The following SRSF6 variants were observed in gnomAD, a reference collection of about 807,000 sequenced individuals.
SRSF6 encodes the protein serine/arginine-rich splicing factor 6.
A neutral mutation model predicts 42.0 loss-of-function variants in SRSF6; 17 were observed. That is an observed-to-expected ratio of 0.40 (90% CI 0.28 to 0.61). The LOEUF (loss-of-function observed/expected upper bound fraction) is 0.61. SRSF6 is among the 20% of genes least tolerant of loss of function. The probability of loss-of-function intolerance (pLI) is 0.37; values close to 1 mark genes in which losing one functional copy is unlikely to be tolerated. For synonymous variants in SRSF6, 204 were observed against 166.7 expected (o/e 1.22, Z -1.72); for missense variants, 379 against 471.4 (o/e 0.80, Z 1.81).
Position 43,458,420 on chromosome 20 carries a change from A to G in SRSF6, c.167A>G (p.Asn56Ser). The change falls in exon 2 of 6, where the codon AAC becomes AGC. Residue 56 changes from asparagine to serine, a missense_variant. This residue lies in a region of SRSF6 where 117 missense variants were observed against 146.8 expected (regional missense o/e 0.80). Coordinates refer to ENST00000244020, the MANE Select transcript of SRSF6 (RefSeq NM_006275.6). The stretch of plus-strand genomic sequence containing the variant: ...GCCGACGACGCCGTTTACGAGCTGA[A>G]CGGCAAGGAGCTCTGCGGCGAGCGC... ...RDADDAVYEL[N>S]GKELCGERVI... The G allele has an allele frequency of 6.5e-7, 1 of 1,550,102 alleles. No individual in the cohort carries two copies. The highest frequency in any genetic ancestry group is 8.7e-7 in the Non-Finnish European group (1 of 1,152,100).
Position 43,460,833 on chromosome 20 carries a change from T to G in SRSF6, c.805T>G (p.Tyr269Asp). The G allele has an allele frequency of 6.2e-7, 1 of 1,613,978 alleles. No individual in the cohort carries two copies. Among genetic ancestry groups the G allele is most frequent in the Non-Finnish European group, 8.5e-7 (1 of 1,180,018 alleles). ...TTCTCGAAGCAGATCTAAGGATGAG[T>G]ATGAGAAATCTCGAAGCAGGTCTCG... Reference protein sequence around the residue: ...SHSRSRSKDEYEKSRSRSRSR... With the variant: ...SHSRSRSKDEDEKSRSRSRSR... Residue 269 changes from tyrosine (Y) to aspartate (D), a missense_variant, in exon 6 of 6, where the codon TAT (tyrosine) becomes GAT (aspartate). By Grantham distance (160) the Tyr-to-Asp change is radical. Transcript: ENST00000244020.
At position 43,458,117 on chromosome 20, in the gene SRSF6, C is replaced by T. The variant is rs1346218575; in HGVS notation, c.84C>T (p.Leu28=). Residue 28 remains leucine, a synonymous_variant, in exon 1 of 6, where the codon CTC becomes CTT. Coordinates refer to ENST00000244020, the MANE Select transcript of SRSF6 (RefSeq NM_006275.6). ...IQRFFSGYGR[L]LEVDLKNGYG... The stretch of plus-strand genomic sequence containing the variant: ...GCTTTTTCAGTGGCTATGGCCGCCT[C>T]CTCGAAGTAGACCTCAAAAATGGGT... 9 of 1,613,438 alleles carry T rather than the reference C, an allele frequency of 5.6e-6. No homozygotes were observed. Among genetic ancestry groups the T allele is most frequent in the South Asian group, 1.1e-5 (1 of 91,042 alleles).
Position 43,459,833 on chromosome 20 carries a change from C to G in SRSF6, c.319C>G (p.Arg107Gly). Residue 107 changes from arginine (R) to glycine (G), a missense_variant, in exon 3 of 6, where the codon CGT becomes GGT. Coordinates refer to ENST00000244020, the MANE Select transcript of SRSF6 (RefSeq NM_006275.6). Reference sequence around the variant, plus strand: ...CAGAGACAAATACGGACCACCTGTTCGTACAGAATACAGGCTTATTGTAGA... The same window carrying G: ...CAGAGACAAATACGGACCACCTGTTGGTACAGAATACAGGCTTATTGTAGA... ...SGRDKYGPPV[R>G]TEYRLIVENL... 1 of 1,613,742 alleles carries G rather than the reference C, an allele frequency of 6.2e-7. No individual in the cohort carries two copies. The highest frequency in any genetic ancestry group is 8.5e-7 in the Non-Finnish European group (1 of 1,179,948).
At chr20:43,458,294 G>C (rs2017531677) in intron 1 of SRSF6, 67 bp from the exon 2 acceptor site, 2 of 1,423,772 alleles carry the variant, frequency 1.4e-6, no homozygotes, top group Non-Finnish European at 9.2e-7. Context: ...TGGGGTACGG[G>C]CGCGCGCACG....
Position 43,461,131 on chromosome 20 carries a change from T to A in SRSF6, c.*68T>A, listed in dbSNP as rs556535696. On this transcript the variant is annotated 3_prime_UTR_variant, in exon 6 of 6. Transcript: ENST00000244020. ...ACTTAGGCAGTTACTCTTCCATGTTTATACTTGGCCTCTTCTGCAAGAGGA... is the reference window on the plus strand; with the variant it reads ...ACTTAGGCAGTTACTCTTCCATGTTAATACTTGGCCTCTTCTGCAAGAGGA... 31 of 1,490,620 alleles carry A rather than the reference T, an allele frequency of 2.1e-5. No individual in the cohort carries two copies. The South Asian group carries it at 4.4e-4, about 21-fold the overall frequency. 92.3% of individuals were successfully genotyped at this position (1,490,620 alleles called of 1,614,324 possible).
chr20:43,462,104 G>C lies in SRSF6; in HGVS notation c.*1041G>C, dbSNP rs2145327231. On this transcript the variant is annotated 3_prime_UTR_variant, in exon 6 of 6. Transcript: ENST00000244020. ...TCAGTTGCCAGTTAAGTTCCACCCA[G>C]TAGTCAGTCCCCTTTGTAGTTAGTG... 1 of 152,326 alleles carries C rather than the reference G, an allele frequency of 6.6e-6. No individual in the cohort carries two copies. Among genetic ancestry groups the C allele is most frequent in the South Asian group, 2.1e-4 (1 of 4,830 alleles). 9.4% of individuals were successfully genotyped at this position (152,326 alleles called of 1,614,324 possible). A position where few individuals can be genotyped will look rare whatever the true frequency, so the allele number is the denominator to read the frequency against.
rs959395190 is a variant in SRSF6, at chr20:43,461,303, G to A, written c.*240G>A. ...TTGATTTTATAGCTTTTGAGCTAAC[G>A]TAACTTTTGTAAAGATTAAGCTCAT... is the stretch of plus-strand genomic sequence containing the variant. On this transcript the variant is annotated 3_prime_UTR_variant, in exon 6 of 6. Coordinates refer to ENST00000244020, the MANE Select transcript of SRSF6 (RefSeq NM_006275.6). 7 of 176,450 alleles carry A rather than the reference G, an allele frequency of 4.0e-5. No individual in the cohort carries two copies. The highest frequency in any genetic ancestry group is 6.0e-5 in the Non-Finnish European group (6 of 100,768). The allele number at this position is 176,450 out of a possible 1,614,324, so 10.9% of individuals were successfully genotyped here.
intron 2 of SRSF6, among the ~76,000 whole-genome samples, chr20:43,458,913 A>G (rs1351977333): frequency 1.5e-4 from 23 of 152,204 alleles, no homozygotes; most frequent in African/African-American, 5.5e-4. Flanking sequence ...GGAGGAGCAT[A>G]AAGTATAGGT....
intron 2 of SRSF6, 77 bp from the exon 3 acceptor site, chr20:43,459,694 T>C (rs1256205466): frequency 2.5e-5 from 40 of 1,596,958 alleles, no homozygotes; most frequent in African/African-American, 4.0e-5. Context: ...AAAGTTGATA[T>C]GTTTGTACTA....
In SRSF6 at chr20:43,460,737, C is replaced by T; in HGVS notation, c.709C>T (p.Arg237Ter). 2 of 1,613,852 alleles carry T rather than the reference C, an allele frequency of 1.2e-6. No homozygotes were observed. The highest frequency in any genetic ancestry group is 8.5e-7 in the Non-Finnish European group (1 of 1,179,866). ...GCGGAGCAAAGGTCGATCACGTTCT[C>T]GATCAAAAGGCAGGAAATCTAGATC... ...RSRSKGRSRS[R>*]SKGRKSRSKS... Residue 237 changes from arginine to a stop codon, truncating the protein, a stop_gained, in exon 6 of 6, where the codon CGA (arginine) becomes TGA (stop). Coordinates refer to ENST00000244020, the MANE Select transcript of SRSF6 (RefSeq NM_006275.6). LOFTEE classifies it high-confidence loss of function.
At position 43,461,785 on chromosome 20, in the gene SRSF6, C is replaced by G. The variant is rs1160350468; in HGVS notation, c.*722C>G. 6.6e-6 allele frequency: 1 copy of G among 152,550 alleles called. No homozygotes were observed. The highest frequency in any genetic ancestry group is 1.5e-5 in the Non-Finnish European group (1 of 68,028). The allele number at this position is 152,550 out of a possible 1,614,324, so 9.4% of individuals were successfully genotyped here. On this transcript the variant is annotated 3_prime_UTR_variant, in exon 6 of 6. Coordinates refer to ENST00000244020, the MANE Select transcript of SRSF6 (RefSeq NM_006275.6). Reference sequence around the variant, plus strand: ...AAAGGTATTTTTTAGTCAATGTGTTCCATGATTTTGCTTAAATTAATACTT... The same window carrying G: ...AAAGGTATTTTTTAGTCAATGTGTTGCATGATTTTGCTTAAATTAATACTT...
chr20:43,460,391 G>T, intron 4 of SRSF6, 124 bp from the exon 5 acceptor site: 1 of 1,234,874 alleles, frequency 8.1e-7, no homozygotes, highest in South Asian at 1.3e-5. Context: ...TGGATGTTTT[G>T]AACAGTGTAT....
rs1015663730 is a variant in SRSF6, at chr20:43,463,161, G to A, written c.*2098G>A. The A allele has an allele frequency of 6.5e-6, 1 of 154,214 alleles. No individual in the cohort carries two copies. The highest frequency in any genetic ancestry group is 2.4e-5 in the African/African-American group (1 of 41,458). 9.6% of individuals were successfully genotyped at this position (154,214 alleles called of 1,614,324 possible). A position where few individuals can be genotyped will look rare whatever the true frequency, so the allele number is the denominator to read the frequency against. On this transcript the variant is annotated 3_prime_UTR_variant, in exon 6 of 6. Transcript: ENST00000244020. ...TATTGTTAGCTGCCACAGTAAGCAG[G>A]TCATTGTATAGGTAAATGCCTGCAC... is the stretch of plus-strand genomic sequence containing the variant.
Position 43,460,236 on chromosome 20 carries a change from A to G in SRSF6, c.585A>G (p.Arg195=). Residue 195 remains arginine (R), a synonymous_variant, in exon 4 of 6, where the codon AGA becomes AGG. Coordinates refer to ENST00000244020, the MANE Select transcript of SRSF6 (RefSeq NM_006275.6). The part of the protein sequence containing the change: ...TSHRRSYSGS[R]SRSRSRRRSR... ...ATAGGCGATCTTACTCTGGAAGCAG[A>G]TCCAGGTAACTTGTTGAAGGACACT... 6.2e-7 allele frequency: 1 copy of G among 1,614,116 alleles called. No homozygotes were observed. The highest frequency in any genetic ancestry group is 8.5e-7 in the Non-Finnish European group (1 of 1,179,924).
In SRSF6 at chr20:43,457,993, C is replaced by T; in HGVS notation, c.-41C>T. 3 of 1,547,778 alleles carry T rather than the reference C, an allele frequency of 1.9e-6. No individual in the cohort carries two copies. Among genetic ancestry groups the T allele is most frequent in the Non-Finnish European group, 2.6e-6 (3 of 1,133,698 alleles). ...ACCGCGGTTACTGGCTTGCGGTCCG[C>T]CGTTCGACAACCAGCCCTTGGGTCC... is the stretch of plus-strand genomic sequence containing the variant. On this transcript the variant is annotated 5_prime_UTR_variant, in exon 1 of 6. Transcript: ENST00000244020.
Position 43,459,501 on chromosome 20 carries a change from A to T in SRSF6, c.257-270A>T, listed in dbSNP as rs2017550030. The stretch of plus-strand genomic sequence containing the variant: ...AATCAGTTAAGTTTTATATTTTACA[A>T]TGTTCTGTAAAATAAAACTTAGCGA... On this transcript the variant is annotated intron_variant, in intron 2 of 5. Coordinates refer to ENST00000244020, the MANE Select transcript of SRSF6 (RefSeq NM_006275.6). 13 of 1,303,554 alleles carry T rather than the reference A, an allele frequency of 1.0e-5. No homozygotes were observed. In the South Asian group the frequency reaches 2.0e-4, roughly 20 times the overall value. The allele number at this position is 1,303,554 out of a possible 1,614,324, so 80.7% of individuals were successfully genotyped here.
intron 2 of SRSF6, among the ~76,000 whole-genome samples, chr20:43,458,985 G>A (rs1223640768): frequency 2.6e-5 from 4 of 152,132 alleles, no homozygotes; most frequent in Admixed American, 2.6e-4. Flanking sequence ...ATGTGGTATT[G>A]TACCACAAAG....
At chr20:43,458,340 C>G in intron 1 of SRSF6, 21 bp from the exon 2 acceptor site, 2 of 1,524,446 alleles carry the variant, frequency 1.3e-6, no homozygotes, top group Non-Finnish European at 1.8e-6. Context: ...CGCGGTTGTC[C>G]GGCCCTCGCA....
rs556237742 is a variant in SRSF6, at chr20:43,460,714, G to A, written c.686G>A (p.Arg229Gln). The change falls in exon 6 of 6, where the codon CGG becomes CAG. Residue 229 changes from arginine (R) to glutamine (Q), a missense_variant. By Grantham distance (43) the Arg-to-Gln change is conservative. Around this residue, in one of 3 missense-constraint regions of SRSF6, gnomAD observed 219 missense variants for 216.1 expected, o/e 1.01. Transcript: ENST00000244020. ...CTTTCCTTGTCCAGTTCCAGGTCGC[G>A]GAGCAAAGGTCGATCACGTTCTCGA... ...ISKSRSRSRS[R>Q]SKGRSRSRSK... The A allele has an allele frequency of 4.7e-5, 76 of 1,613,136 alleles. No individual in the cohort carries two copies. The highest frequency in any genetic ancestry group is 1.3e-4 in the East Asian group (6 of 44,856).
Sources: gnomAD v4.1 joint callset for allele counts (sites outside exome capture counted in the v4.1 genomes callset) on GRCh38, gnomAD v4.1.1 for gene constraint, gnomAD v4.1.1 regional missense constraint, MANE v1.5 for transcripts, NCBI Gene and HGNC (gene_info 2026-07-23, HGNC 2026-07-21) for gene names.